Variants in XKRX observed in about 807,000 individuals in gnomAD.
XKRX encodes XK-related protein 2.
A neutral mutation model predicts 22.4 loss-of-function variants in XKRX; 11 were observed. That is an observed-to-expected ratio of 0.49 (90% CI 0.31 to 0.81). The LOEUF (loss-of-function observed/expected upper bound fraction) is 0.81. Ranked by LOEUF, XKRX falls within the 40% of genes least tolerant of loss-of-function variation. The pLI is 0.05. For synonymous variants in XKRX, 114 were observed against 132.2 expected, an observed-to-expected ratio of 0.86 and a Z score of 0.94; for missense variants, 320 against 336.5, an observed-to-expected ratio of 0.95 and a Z score of 0.38.
chrX:100,896,202 C>T, the XKRX span, among the ~76,000 whole-genome samples: 2 of 111,437 alleles, frequency 1.8e-5, no homozygotes, highest in Non-Finnish European at 3.8e-5. Flanking sequence ...TGGAGGGGAA[C>T]TTGTTAATAC....
chrX:100,936,540 C>CAAAAAAAAA, the XKRX span, among the ~76,000 whole-genome samples: 443 of 25,410 alleles, frequency 0.017, no homozygotes, highest in Admixed American at 0.026. Context: ...GACTCTGTCT[C>CAAAAAAAAA]AAAAAAAAAA....
upstream of XKRX, among the ~76,000 whole-genome samples, chrX:100,931,156 A>G (rs769913954): frequency 9.4e-6 from 1 of 106,367 alleles, no homozygotes; most frequent in Non-Finnish European, 1.9e-5. Flanking sequence ...TTAAAAATAA[A>G]AAAAAAAAAA....
chrX:100,951,101 G>A, the XKRX span, among the ~76,000 whole-genome samples: 13 of 108,783 alleles, frequency 1.2e-4, no homozygotes, highest in Non-Finnish European at 3.8e-5. Context: ...AGGCATGGTG[G>A]TGGGCGCCTG....
At chrX:100,919,042 G>A (rs73631325) in intron 2 of XKRX, among the ~76,000 whole-genome samples, 1,339 of 111,425 alleles carry the variant, frequency 0.012, 20 homozygotes, top group African/African-American at 0.042. Flanking sequence ...TTTTACTGAG[G>A]TACATGTTAA....
chrX:100,934,473 G>A, the XKRX span, among the ~76,000 whole-genome samples: 1 of 111,199 alleles, frequency 9.0e-6, no homozygotes, highest in Non-Finnish European at 1.9e-5. Context: ...AGGAGACCTC[G>A]GCCTTTGCTC....
chrX:100,937,172 G>A, the XKRX span, among the ~76,000 whole-genome samples: 5 of 110,486 alleles, frequency 4.5e-5, no homozygotes, highest in Non-Finnish European at 7.6e-5. Flanking sequence ...TGTATTTTTA[G>A]TAGAGACGAG....
chrX:100,903,001 G>A, the XKRX span, among the ~76,000 whole-genome samples: 6 of 108,493 alleles, frequency 5.5e-5, no homozygotes, highest in Non-Finnish European at 7.6e-5. Context: ...CACCCACCTC[G>A]GCCTCCCAGA....
At chrX:100,927,895 T>C in intron 1 of XKRX, 75 bp downstream of exon 1, 1 of 1,096,862 alleles carries the variant, frequency 9.1e-7, no homozygotes, top group South Asian at 2.2e-5. Context: ...ATCCATCTTG[T>C]AAATCTTTCA....
chrX:100,915,792 G>A (rs1485712898), intron 2 of XKRX, among the ~76,000 whole-genome samples: 1 of 109,387 alleles, frequency 9.1e-6, no homozygotes, highest in African/African-American at 3.3e-5. Context: ...GATGAACCTA[G>A]AGGACATTAT....
the XKRX span, among the ~76,000 whole-genome samples, chrX:100,954,206 G>A: frequency 9.0e-6 from 1 of 111,304 alleles, no homozygotes. Context: ...ATCATCTGAG[G>A]TCAGGAGTTT....
chrX:100,892,666 C>G, the XKRX span, among the ~76,000 whole-genome samples: 1 of 112,382 alleles, frequency 8.9e-6, no homozygotes, highest in Non-Finnish European at 1.9e-5. Context: ...CTTTCAAAAA[C>G]AGGAAAGATA....
chrX:100,922,161 A>G (rs1275964394), intron 2 of XKRX, among the ~76,000 whole-genome samples: 3 of 110,954 alleles, frequency 2.7e-5, no homozygotes, highest in African/African-American at 9.8e-5. Flanking sequence ...CTCCACTGGC[A>G]TTAGCAGAAA....
chrX:100,917,690 G>GAAAGAAAGAAAGA lies in XKRX; in HGVS notation c.605-2620_605-2608dup, dbSNP rs1569454775. 2.8e-4 allele frequency among the ~76,000 whole-genome samples: 27 copies of GAAAGAAAGAAAGA among 95,941 alleles called. 3 individuals are homozygous for GAAAGAAAGAAAGA. Among genetic ancestry groups the GAAAGAAAGAAAGA allele is most frequent in the African/African-American group, 1.1e-3 (26 of 23,336 alleles). 83.3% of individuals were successfully genotyped at this position (95,941 alleles called of 115,157 possible). A position where few individuals can be genotyped will look rare whatever the true frequency, so the allele number is the denominator to read the frequency against. On this transcript the variant is annotated intron_variant, in intron 2 of 2. Coordinates refer to ENST00000372956, the MANE Select transcript of XKRX (RefSeq NM_212559.3). ...GAAAGAAAGAAAAGAAAGAAAGAAA[G>GAAAGAAAGAAAGA]AAAGAAAGAAAGAAAGAAAGAAAGA...
the XKRX span, among the ~76,000 whole-genome samples, chrX:100,952,274 T>G: frequency 9.0e-5 from 10 of 110,867 alleles, no homozygotes; most frequent in African/African-American, 3.3e-4. Flanking sequence ...TAAAAGCTCT[T>G]AGCAAACTAG....
the XKRX span, among the ~76,000 whole-genome samples, chrX:100,956,376 T>G: frequency 8.9e-6 from 1 of 111,773 alleles, no homozygotes; most frequent in South Asian, 3.8e-4. Context: ...TTTTAAAAAA[T>G]TATGATTTTT....
chrX:100,956,971 G>A, the XKRX span: 2 of 1,061,649 alleles, frequency 1.9e-6, no homozygotes, highest in African/African-American at 1.8e-5. Context: ...GTGGGTGCCC[G>A]AGCTTGGGAC....
chrX:100,891,095 T>C, the XKRX span, among the ~76,000 whole-genome samples: 3 of 111,602 alleles, frequency 2.7e-5, no homozygotes, highest in Admixed American at 2.9e-4. Context: ...CTCACCAACA[T>C]ATATCAAAAA....
At chrX:100,919,640 C>A (rs1331241381) in intron 2 of XKRX, among the ~76,000 whole-genome samples, 1 of 111,512 alleles carries the variant, frequency 9.0e-6, no homozygotes, top group Non-Finnish European at 1.9e-5. Context: ...AATGACCAAA[C>A]ACAAAAAGAT....
the XKRX span, among the ~76,000 whole-genome samples, chrX:100,894,501 G>A: frequency 2.7e-5 from 3 of 111,368 alleles, no homozygotes; most frequent in Non-Finnish European, 5.6e-5. Flanking sequence ...AGCCTGTGGT[G>A]TAACCATAGC....
Sources: gnomAD v4.1 joint callset for allele counts (sites outside exome capture counted in the v4.1 genomes callset) on GRCh38, gnomAD v4.1.1 for gene constraint, MANE v1.5 for transcripts, NCBI Gene and HGNC (gene_info 2026-07-23, HGNC 2026-07-21) for gene names.